The following UBAC2 variants were observed in gnomAD, a reference collection of about 807,000 sequenced individuals.
UBAC2 encodes UBA domain containing 2.
Under a neutral mutation model 44.0 loss-of-function variants are expected in UBAC2, and 26 were observed. That is an observed-to-expected ratio of 0.59 (90% confidence interval 0.43 to 0.82). The LOEUF (loss-of-function observed/expected upper bound fraction) is 0.82. Among genes scored for constraint, UBAC2 ranks in the 40% least tolerant of loss-of-function variants. The pLI is 0.00. For synonymous variants in UBAC2, 155 were observed against 154.3 expected (o/e 1.00, Z -0.04); for missense variants, 329 against 419.4 (o/e 0.78, Z 1.88).
chr13:99,337,802 A>G (rs1307875850), intron 6 of UBAC2, among the ~76,000 whole-genome samples: 2 of 152,012 alleles, frequency 1.3e-5, no homozygotes, highest in Non-Finnish European at 2.9e-5. Context: ...GAGGGGAGAA[A>G]GGGTACATGG....
chr13:99,276,382 C>A (rs901442837), intron 4 of UBAC2, among the ~76,000 whole-genome samples: 2 of 152,224 alleles, frequency 1.3e-5, no homozygotes, highest in African/African-American at 4.8e-5. Context: ...TCTGTACCCC[C>A]ACCAGGTCTG....
intron 8 of UBAC2, among the ~76,000 whole-genome samples, chr13:99,380,413 G>A (rs1396398899): frequency 6.6e-6 from 1 of 152,192 alleles, no homozygotes; most frequent in African/African-American, 2.4e-5. Flanking sequence ...GAGAGCCACA[G>A]CAGTAATTGT....
In UBAC2 at chr13:99,385,298, A is replaced by T. The variant is rs2045605413; in HGVS notation, c.998A>T (p.Asp333Val). The change falls in exon 9 of 9, where the codon GAC (aspartate) becomes GTC (valine). Residue 333 changes from aspartate (D) to valine (V), a missense_variant. Physicochemically the swap from Asp to Val is radical, Grantham distance 152. Coordinates refer to ENST00000403766, the MANE Select transcript of UBAC2 (RefSeq NM_001144072.2). Reference protein sequence around the residue: ...ALEALRASNNDLNVATNFLLQ... With the variant: ...ALEALRASNNVLNVATNFLLQ... ...GAAGCCCTGAGAGCTTCAAACAATG[A>T]CCTCAATGTCGCCACCAACTTCCTG... 6.2e-7 allele frequency: 1 copy of T among 1,614,042 alleles called. No individual in the cohort carries two copies. The highest frequency in any genetic ancestry group is 8.5e-7 in the Non-Finnish European group (1 of 1,180,002).
At chr13:99,276,463 G>T (rs567110709) in intron 4 of UBAC2, among the ~76,000 whole-genome samples, 3 of 152,338 alleles carry the variant, frequency 2.0e-5, no homozygotes, top group Non-Finnish European at 4.4e-5. Context: ...TATTATAAAG[G>T]ATACAACGCA....
Position 99,385,495 on chromosome 13 carries a change from G to A in UBAC2, c.*160G>A, listed in dbSNP as rs1343299212. 4 of 580,922 alleles carry A rather than the reference G, an allele frequency of 6.9e-6. No homozygotes were observed. Among genetic ancestry groups the A allele is most frequent in the African/African-American group, 5.6e-5 (3 of 53,894 alleles). 36.0% of individuals were successfully genotyped at this position (580,922 alleles called of 1,614,324 possible). ...TGCCCTCAACCGCAAGACTGTTGCC[G>A]TTTTAGTGTGGAGATAAGTTTGCCA... On this transcript the variant is annotated 3_prime_UTR_variant, in exon 9 of 9. Coordinates refer to ENST00000403766, the MANE Select transcript of UBAC2 (RefSeq NM_001144072.2).
chr13:99,343,363 G>T (rs1391961953), intron 7 of UBAC2, among the ~76,000 whole-genome samples: 1 of 111,966 alleles, frequency 8.9e-6, no homozygotes, highest in Non-Finnish European at 2.3e-5. Flanking sequence ...TGTAAACTCC[G>T]CACGGTGTCT....
At chr13:99,321,298 T>G (rs909422861) in intron 6 of UBAC2, among the ~76,000 whole-genome samples, 3 of 152,118 alleles carry the variant, frequency 2.0e-5, no homozygotes, top group African/African-American at 7.2e-5. Context: ...ACTGGTTGAT[T>G]TATTTTGTTT....
intron 5 of UBAC2, 44 bp downstream of exon 5, chr13:99,314,264 T>A: frequency 2.0e-6 from 2 of 1,007,016 alleles, no homozygotes; most frequent in South Asian, 2.2e-5. Context: ...AACCAGATCT[T>A]TTTTTTTTTT....
chr13:99,317,252 C>T (rs9557199), intron 5 of UBAC2, among the ~76,000 whole-genome samples: 124,623 of 152,104 alleles, frequency 0.82, 51,575 homozygotes, highest in Middle Eastern at 0.91. Flanking sequence ...CCTCTTCTTC[C>T]ACAATCAGAA....
At chr13:99,252,370 T>G (rs780831880) in intron 4 of UBAC2, among the ~76,000 whole-genome samples, 9 of 152,330 alleles carry the variant, frequency 5.9e-5, no homozygotes, top group Admixed American at 6.5e-5. Flanking sequence ...CTACATTTAG[T>G]AATGTTGAAG....
Position 99,200,904 on chromosome 13 carries a change from G to A in UBAC2, c.-5G>A, listed in dbSNP as rs2042786052. 7.7e-7 allele frequency: 1 copy of A among 1,304,730 alleles called. No homozygotes were observed. The highest frequency in any genetic ancestry group is 9.8e-7 in the Non-Finnish European group (1 of 1,018,594). 80.8% of individuals were successfully genotyped at this position (1,304,730 alleles called of 1,614,324 possible). On this transcript the variant is annotated 5_prime_UTR_variant, in exon 1 of 9. Transcript: ENST00000403766. ...GCCCTCTGGGGCTCCGAGCCCGGCG[G>A]GACCATGTTCACCAGCACCGGCTCC... is the stretch of plus-strand genomic sequence containing the variant.
chr13:99,234,988 C>T (rs1021612537), intron 1 of UBAC2, among the ~76,000 whole-genome samples: 8 of 152,048 alleles, frequency 5.3e-5, no homozygotes, highest in Admixed American at 5.2e-4. Context: ...TCTAAAATAC[C>T]CTCAGTAGTA....
chr13:99,304,670 CTA>C (rs1209352438), intron 4 of UBAC2, among the ~76,000 whole-genome samples: 1 of 152,176 alleles, frequency 6.6e-6, no homozygotes, highest in Non-Finnish European at 1.5e-5. Flanking sequence ...CCTGGGCACT[CTA>C]TGTGTGTTTA....
intron 6 of UBAC2, among the ~76,000 whole-genome samples, chr13:99,333,096 T>TGG (rs5806108): frequency 2.5e-4 from 38 of 151,630 alleles, no homozygotes; most frequent in East Asian, 2.1e-3. Flanking sequence ...ACCCCGTCTC[T>TGG]GGGGGGGGAA....
At chr13:99,353,350 G>A (rs964920582) in intron 7 of UBAC2, among the ~76,000 whole-genome samples, 1 of 152,186 alleles carries the variant, frequency 6.6e-6, no homozygotes, top group South Asian at 2.1e-4. Flanking sequence ...TGATCATACT[G>A]ATCTTTTTGA....
At chr13:99,365,732 C>A (rs2045321558) in intron 7 of UBAC2, among the ~76,000 whole-genome samples, 1 of 151,932 alleles carries the variant, frequency 6.6e-6, no homozygotes, top group Admixed American at 6.6e-5. Flanking sequence ...TGTATATTCT[C>A]TAAATATTAA....
chr13:99,208,894 A>G (rs77379791), intron 1 of UBAC2, among the ~76,000 whole-genome samples: 1,753 of 152,214 alleles, frequency 0.012, 40 homozygotes, highest in African/African-American at 0.04. Flanking sequence ...GGGGGTTTGC[A>G]TCTTTATTTT....
At chr13:99,227,422 C>G (rs150803460) in intron 1 of UBAC2, among the ~76,000 whole-genome samples, 1 of 152,136 alleles carries the variant, frequency 6.6e-6, no homozygotes, top group Admixed American at 6.5e-5. Context: ...GTGAAAAGAA[C>G]AAGAATGATT....
At chr13:99,287,403 A>G (rs1388638094) in intron 4 of UBAC2, among the ~76,000 whole-genome samples, 2 of 151,964 alleles carry the variant, frequency 1.3e-5, no homozygotes, top group Non-Finnish European at 2.9e-5. Context: ...CTGTTTTGAT[A>G]ATGTCGTCTT....
Sources: allele counts gnomAD v4.1 joint callset (sites outside exome capture counted in the v4.1 genomes callset), GRCh38; gene constraint gnomAD v4.1.1; transcripts MANE v1.5; gene names NCBI Gene and HGNC (gene_info 2026-07-23, HGNC 2026-07-21).